P2RX5: variants seen among roughly 807,000 people sequenced by gnomAD.
P2RX5 encodes P2X purinoceptor 5.
P2RX5 carries 46 observed loss-of-function variants against 54.1 expected under a neutral mutation model. The observed-to-expected ratio is 0.85, with a 90% confidence interval of 0.67 to 1.09. The LOEUF (loss-of-function observed/expected upper bound fraction) is 1.09, where lower values mean the gene tolerates loss of function less well. P2RX5 is among the 50% of genes least tolerant of loss of function. The pLI, the probability that P2RX5 is intolerant of heterozygous loss-of-function variation, is 0.00. For synonymous variants in P2RX5, 226 were observed against 226.4 expected (o/e 1.00, Z 0.02); for missense variants, 566 against 549.8 (o/e 1.03, Z -0.29).
At chr17:3,709,504 C>A in the P2RX5 span, among the ~76,000 whole-genome samples, 1 of 152,186 alleles carries the variant, frequency 6.6e-6, no homozygotes. Flanking sequence ...TTTCCCTAAG[C>A]CAGGCACAGT....
the P2RX5 span, among the ~76,000 whole-genome samples, chr17:3,720,813 C>T: frequency 6.6e-6 from 1 of 151,722 alleles, no homozygotes; most frequent in South Asian, 2.1e-4. Context: ...GAACTCCTGA[C>T]CTCAGATGAT....
At position 3,690,980 on chromosome 17, in the gene P2RX5, G is replaced by A. The variant is rs780054924; in HGVS notation, c.336C>T (p.Asn112=). 2 of 1,555,182 alleles carry A rather than the reference G, an allele frequency of 1.3e-6. No homozygotes were observed. Among genetic ancestry groups the A allele is most frequent in the Admixed American group, 1.9e-5 (1 of 51,786 alleles). ...CCTCAGCACAGACGTTCTGCCGCTG[G>A]TTGGGGGTCACAATCAGGTTGGTGA... The part of the protein sequence containing the change: ...FVVTNLIVTP[N]QRQNVCAENE... Residue 112 remains asparagine, a synonymous_variant, in exon 3 of 12, where the codon AAC becomes AAT. Coordinates refer to ENST00000225328, the MANE Select transcript of P2RX5 (RefSeq NM_002561.4).
chr17:3,679,766 G>A lies in P2RX5; in HGVS notation c.1083C>T (p.Ser361=). The change falls in exon 11 of 12, where the codon TCC becomes TCT. Residue 361 remains serine, a synonymous_variant. Transcript: ENST00000225328. ...YEEVRGLEDS[S]QEAEDEASGL... ...CCGATGCCTCGTCCTCGGCCTCCTG[G>A]GAACTGTCTTCTAGGCCCCTGGACA... 6.2e-7 allele frequency: 1 copy of A among 1,611,042 alleles called. No homozygotes were observed.
At chr17:3,694,497 C>T (rs938682334) in intron 1 of P2RX5, among the ~76,000 whole-genome samples, 1 of 152,148 alleles carries the variant, frequency 6.6e-6, no homozygotes, top group Non-Finnish European at 1.5e-5. Flanking sequence ...TGAGCCACAG[C>T]GCCCGGCCGC....
chr17:3,700,484 G>T (rs1318389614), upstream of P2RX5, among the ~76,000 whole-genome samples: 1 of 150,836 alleles, frequency 6.6e-6, no homozygotes, highest in Non-Finnish European at 1.5e-5. Flanking sequence ...AGTAAGCCGA[G>T]ACTGTGCCAC....
chr17:3,688,138 C>T, intron 8 of P2RX5, 33 bp from the exon 9 acceptor site: 3 of 1,191,412 alleles, frequency 2.5e-6, no homozygotes, highest in Non-Finnish European at 3.7e-6. Flanking sequence ...GAGGCCTCAG[C>T]CTGCCTGGCC....
the P2RX5 span, among the ~76,000 whole-genome samples, chr17:3,709,710 C>T: frequency 2.0e-5 from 3 of 151,888 alleles, no homozygotes; most frequent in East Asian, 1.9e-4. Context: ...GTCAGGAGTT[C>T]GAGACCAGCC....
the P2RX5 span, chr17:3,722,481 A>C: frequency 8.7e-6 from 1 of 115,500 alleles, no homozygotes; most frequent in Non-Finnish European, 1.5e-5. Flanking sequence ...ACTCCATCTA[A>C]AAAAAAAAAA....
chr17:3,723,569 G>A, the P2RX5 span: 1 of 1,152,666 alleles, frequency 8.7e-7, no homozygotes, highest in Admixed American at 2.3e-5. Context: ...GCTAGGGAGG[G>A]CCTGGCAGCC....
intron 10 of P2RX5, 52 bp from the exon 11 acceptor site, chr17:3,679,836 C>G: frequency 6.6e-7 from 1 of 1,507,718 alleles, no homozygotes; most frequent in South Asian, 1.1e-5. Context: ...GGTGCCTCCC[C>G]TCCTAGACGG....
rs1279822354 is a variant in P2RX5 at position 3,690,984 on chromosome 17, G to A, written c.332C>T (p.Pro111Leu). Residue 111 changes from proline (P) to leucine (L), a missense_variant, in exon 3 of 12, where the codon CCC becomes CTC. Coordinates refer to ENST00000225328, the MANE Select transcript of P2RX5 (RefSeq NM_002561.4). ...FFVVTNLIVTPNQRQNVCAEN... is the reference protein window; with the variant it reads ...FFVVTNLIVTLNQRQNVCAEN... Reference sequence around the variant, plus strand: ...AGCACAGACGTTCTGCCGCTGGTTGGGGGTCACAATCAGGTTGGTGACCAC... The same window carrying A: ...AGCACAGACGTTCTGCCGCTGGTTGAGGGTCACAATCAGGTTGGTGACCAC... 1.3e-6 allele frequency: 2 copies of A among 1,493,354 alleles called. No homozygotes were observed. The highest frequency in any genetic ancestry group is 3.6e-5 in the African/African-American group (2 of 56,092). The allele number at this position is 1,493,354 out of a possible 1,614,324, so 92.5% of individuals were successfully genotyped here. A position where few individuals can be genotyped will look rare whatever the true frequency, so the allele number is the denominator to read the frequency against.
At chr17:3,674,224 T>C (rs1001375917) in intron 11 of P2RX5, among the ~76,000 whole-genome samples, 2 of 151,460 alleles carry the variant, frequency 1.3e-5, no homozygotes, top group Non-Finnish European at 2.9e-5. Context: ...GGCAGGGGAA[T>C]GGCGTGAACC....
the P2RX5 span, among the ~76,000 whole-genome samples, chr17:3,715,866 T>A: frequency 0.15 from 22,665 of 151,476 alleles, 5,293 homozygotes; most frequent in African/African-American, 0.5. Context: ...TGTTTATTTT[T>A]AAAAAAGAGG....
chr17:3,681,214 C>T (rs941060014), intron 10 of P2RX5, among the ~76,000 whole-genome samples: 2 of 152,230 alleles, frequency 1.3e-5, no homozygotes. Flanking sequence ...TGCAGTAAGG[C>T]GAATGACCCA....
chr17:3,688,688 G>C lies in P2RX5; in HGVS notation c.825C>G (p.His275Gln). 1 of 1,613,680 alleles carries C rather than the reference G, an allele frequency of 6.2e-7. No homozygotes were observed. Among genetic ancestry groups the C allele is most frequent in the Non-Finnish European group, 8.5e-7 (1 of 1,179,612 alleles). Residue 275 changes from histidine (H) to glutamine (Q), a missense_variant, in exon 8 of 12, where the codon CAC (histidine) becomes CAG (glutamine). Transcript: ENST00000225328. Reference sequence around the variant, plus strand: ...TATTGTCCAGACGGCTAAAAGAATAGTGAGGGTGGCACTCAGAGGCAGCTT... The same window carrying C: ...TATTGTCCAGACGGCTAAAAGAATACTGAGGGTGGCACTCAGAGGCAGCTT... ...LDKAASECHPHYSFSRLDNKL... is the reference protein window; with the variant it reads ...LDKAASECHPQYSFSRLDNKL...
the P2RX5 span, chr17:3,721,639 CTTCAG>C: frequency 1.3e-5 from 2 of 152,094 alleles, no homozygotes; most frequent in African/African-American, 2.4e-5. Flanking sequence ...ATTGCTACTT[CTTCAG>C]TTGAGACCTC....
At chr17:3,701,762 T>G in the P2RX5 span, among the ~76,000 whole-genome samples, 14 of 99,138 alleles carry the variant, frequency 1.4e-4, no homozygotes, top group South Asian at 4.3e-4. Flanking sequence ...TTTTTTTTTG[T>G]TTTTTTTTTT....
At chr17:3,721,467 G>C in the P2RX5 span, among the ~76,000 whole-genome samples, 1 of 151,318 alleles carries the variant, frequency 6.6e-6, no homozygotes, top group South Asian at 2.1e-4. Context: ...TTTAAGAAAT[G>C]GGGTTTCACT....
At chr17:3,718,654 T>C in the P2RX5 span, among the ~76,000 whole-genome samples, 1 of 152,242 alleles carries the variant, frequency 6.6e-6, no homozygotes, top group African/African-American at 2.4e-5. Flanking sequence ...GAAAGGAATT[T>C]TGGGGAATCC....
Sources: allele counts gnomAD v4.1 joint callset (sites outside exome capture counted in the v4.1 genomes callset), GRCh38; gene constraint gnomAD v4.1.1; transcripts MANE v1.5; gene names NCBI Gene and HGNC (gene_info 2026-07-23, HGNC 2026-07-21).